The following ADGRG6 variants were observed in gnomAD, a reference collection of about 807,000 sequenced individuals.
ADGRG6 encodes the protein adhesion G protein-coupled receptor G6.
A neutral mutation model predicts 142.4 loss-of-function variants in ADGRG6; 84 were observed. The ratio of observed to expected loss-of-function variants is 0.59; its 90% CI spans 0.49 to 0.71. The LOEUF is 0.71. Among genes scored for constraint, ADGRG6 ranks in the 30% least tolerant of loss-of-function variants. The pLI, the probability that ADGRG6 is intolerant of heterozygous loss-of-function variation, is 0.00. For synonymous variants in ADGRG6, 521 were observed against 520.5 expected (o/e 1.00, Z -0.01); for missense variants, 1,367 against 1,466.6 (o/e 0.93, Z 1.11).
At chr6:142,324,235 A>G (rs186464928) in intron 2 of ADGRG6, among the ~76,000 whole-genome samples, 2 of 152,192 alleles carry the variant, frequency 1.3e-5, no homozygotes, top group Admixed American at 6.6e-5. Context: ...GCACTTTCCT[A>G]TAAACATTTC....
At chr6:142,396,798 CT>C (rs1218444507) in intron 9 of ADGRG6, among the ~76,000 whole-genome samples, 3 of 152,118 alleles carry the variant, frequency 2.0e-5, no homozygotes, top group African/African-American at 7.2e-5. Context: ...ATGTTACTTA[CT>C]TTTACCTCAG....
intron 14 of ADGRG6, 82 bp downstream of exon 14, chr6:142,404,055 C>G (rs1317613974): frequency 6.9e-6 from 7 of 1,021,876 alleles, no homozygotes; most frequent in Non-Finnish European, 1.1e-5. Flanking sequence ...GTTGCTGCTT[C>G]CAAGAGGTCT....
chr6:142,414,466 C>T (rs959840278), intron 18 of ADGRG6, among the ~76,000 whole-genome samples: 13 of 152,120 alleles, frequency 8.5e-5, no homozygotes, highest in African/African-American at 1.9e-4. Context: ...TAGGAGCCTC[C>T]GCACCACCCT....
At chr6:142,420,325 T>C (rs981047039) in intron 22 of ADGRG6, among the ~76,000 whole-genome samples, 12 of 152,152 alleles carry the variant, frequency 7.9e-5, no homozygotes, top group Admixed American at 7.9e-4. Context: ...GCCAAGCACC[T>C]AGAACACTGT....
At chr6:142,351,971 T>C (rs1197025871) in intron 2 of ADGRG6, among the ~76,000 whole-genome samples, 4 of 152,150 alleles carry the variant, frequency 2.6e-5, no homozygotes, top group Non-Finnish European at 2.9e-5. Flanking sequence ...CAACAGATGC[T>C]AGTGAGTTTG....
chr6:142,378,276 C>G (rs1781592526), intron 4 of ADGRG6, among the ~76,000 whole-genome samples: 1 of 152,140 alleles, frequency 6.6e-6, no homozygotes, highest in East Asian at 1.9e-4. Context: ...CCTTATCTCC[C>G]TTTGTCTTCC....
At chr6:142,437,343 T>A (rs970708523) in intron 22 of ADGRG6, 91 bp from the exon 23 acceptor site, 11 of 645,050 alleles carry the variant, frequency 1.7e-5, no homozygotes, top group African/African-American at 1.7e-4. Context: ...ATGTAAAAAA[T>A]TTAAAATTAA....
At chr6:142,375,090 G>A (rs2114895445) in intron 4 of ADGRG6, among the ~76,000 whole-genome samples, 1 of 152,108 alleles carries the variant, frequency 6.6e-6, no homozygotes, top group South Asian at 2.1e-4. Flanking sequence ...CTGTGCCCCT[G>A]GAAACCACTC....
intron 2 of ADGRG6, among the ~76,000 whole-genome samples, chr6:142,360,431 A>C (rs1310463877): frequency 6.6e-6 from 1 of 152,182 alleles, no homozygotes; most frequent in Non-Finnish European, 1.5e-5. Flanking sequence ...TACTGGCTTG[A>C]GGCACACTTG....
At chr6:142,407,336 G>T (rs1775859502) in intron 15 of ADGRG6, among the ~76,000 whole-genome samples, 1 of 151,990 alleles carries the variant, frequency 6.6e-6, no homozygotes, top group South Asian at 2.1e-4. Flanking sequence ...GGTATCACCA[G>T]CTAATAGCTG....
intron 11 of ADGRG6, among the ~76,000 whole-genome samples, chr6:142,401,031 G>A (rs1775496000): frequency 6.6e-6 from 1 of 152,154 alleles, no homozygotes; most frequent in African/African-American, 2.4e-5. Context: ...AACTGTCAGG[G>A]TGTAGATTTT....
intron 2 of ADGRG6, among the ~76,000 whole-genome samples, chr6:142,318,281 ATATATTTATATATTATATATATTTATAT>A: frequency 2.5e-5 from 2 of 79,554 alleles, no homozygotes; most frequent in East Asian, 8.4e-4. Context: ...TTTATATTAT[ATATATTTATATATTATATATATTTATAT>A]TATATATTTA....
chr6:142,373,475 T>G (rs1206863952), intron 4 of ADGRG6, among the ~76,000 whole-genome samples: 1 of 152,228 alleles, frequency 6.6e-6, no homozygotes, highest in Non-Finnish European at 1.5e-5. Context: ...CCTAAGCTTC[T>G]CTAAGAATTT....
chr6:142,368,883 C>A (rs1001711009), intron 3 of ADGRG6, among the ~76,000 whole-genome samples: 1 of 151,964 alleles, frequency 6.6e-6, no homozygotes, highest in Non-Finnish European at 1.5e-5. Context: ...CCAGCCATAA[C>A]CACTAATAAA....
intron 22 of ADGRG6, among the ~76,000 whole-genome samples, chr6:142,424,893 C>G (rs1776863708): frequency 6.6e-6 from 1 of 151,956 alleles, no homozygotes; most frequent in Admixed American, 6.6e-5. Flanking sequence ...AACATGATAT[C>G]TAAGCTGAAA....
intron 2 of ADGRG6, among the ~76,000 whole-genome samples, chr6:142,366,600 C>A (rs1346913063): frequency 6.6e-6 from 1 of 151,958 alleles, no homozygotes; most frequent in Non-Finnish European, 1.5e-5. Flanking sequence ...TATAAGAATT[C>A]TTTATCCAGC....
At chr6:142,369,330 A>G (rs1019637706) in intron 3 of ADGRG6, among the ~76,000 whole-genome samples, 2 of 152,162 alleles carry the variant, frequency 1.3e-5, no homozygotes, top group Admixed American at 6.6e-5. Context: ...AGTACTTGCT[A>G]TTTATTGCTG....
chr6:142,341,441 T>TA (rs1347493608), intron 2 of ADGRG6, among the ~76,000 whole-genome samples: 1 of 115,666 alleles, frequency 8.6e-6, no homozygotes, highest in Non-Finnish European at 1.7e-5. Context: ...TATATAATTA[T>TA]ATATATAGTA....
rs534898232 is a variant in ADGRG6 at position 142,321,510 on chromosome 6, C to T, written c.103+11866C>T. Among the ~76,000 whole-genome samples the T allele has an allele frequency of 2.0e-5, 3 of 151,836 alleles. No individual in the cohort carries two copies. In the East Asian group the frequency reaches 5.8e-4, roughly 29 times the overall value. On this transcript the variant is annotated intron_variant, in intron 2 of 24. Transcript: ENST00000367609. ...GGTATATTCATAATATAGAATATTACTCAGCAAAAAAGGAATGAACTACCT... is the reference window on the plus strand; with the variant it reads ...GGTATATTCATAATATAGAATATTATTCAGCAAAAAAGGAATGAACTACCT...
Sources: allele counts gnomAD v4.1 joint callset (sites outside exome capture counted in the v4.1 genomes callset), GRCh38; gene constraint gnomAD v4.1.1; transcripts MANE v1.5; gene names NCBI Gene and HGNC (gene_info 2026-07-23, HGNC 2026-07-21).